DEPDC1B: variants seen among roughly 807,000 people sequenced by gnomAD.
The protein encoded by DEPDC1B is DEP domain containing 1B, also known as DEP domain-containing protein 1B.
DEPDC1B carries 51 observed loss-of-function variants against 66.5 expected under a neutral mutation model. The ratio of observed to expected loss-of-function variants is 0.77; its 90% confidence interval spans 0.61 to 0.97. The LOEUF is 0.97. Ranked by LOEUF, DEPDC1B falls within the 50% of genes least tolerant of loss-of-function variation. The probability of loss-of-function intolerance (pLI) is 0.00; values close to 1 mark genes in which losing one functional copy is unlikely to be tolerated. For synonymous variants in DEPDC1B, 226 were observed against 223.6 expected, an observed-to-expected ratio of 1.01 and a Z score of -0.10; for missense variants, 552 against 637.1, an observed-to-expected ratio of 0.87 and a Z score of 1.44.
intron 1 of DEPDC1B, among the ~76,000 whole-genome samples, chr5:60,692,232 G>C (rs1350107950): frequency 2.6e-5 from 4 of 152,130 alleles, no homozygotes; most frequent in African/African-American, 4.8e-5. Context: ...GCCTCAACTA[G>C]ACAGGAAATT....
At chr5:60,615,694 T>C (rs1266807124) in intron 7 of DEPDC1B, among the ~76,000 whole-genome samples, 8 of 152,188 alleles carry the variant, frequency 5.3e-5, no homozygotes, top group Non-Finnish European at 4.4e-5. Flanking sequence ...CCTGCCTGCC[T>C]CTGTAGACTC....
At chr5:60,681,640 C>G (rs936181812) in intron 2 of DEPDC1B, among the ~76,000 whole-genome samples, 24 of 152,056 alleles carry the variant, frequency 1.6e-4, no homozygotes, top group Non-Finnish European at 2.9e-4. Context: ...CAATCATTCC[C>G]CATTAACATC....
chr5:60,688,366 G>A (rs1016145437), intron 1 of DEPDC1B, among the ~76,000 whole-genome samples: 12 of 152,156 alleles, frequency 7.9e-5, no homozygotes, highest in Non-Finnish European at 1.3e-4. Flanking sequence ...GGTAGAGAGA[G>A]CTCAGGCTCT....
chr5:60,676,955 T>G (rs1669490282), intron 2 of DEPDC1B, among the ~76,000 whole-genome samples: 1 of 152,192 alleles, frequency 6.6e-6, no homozygotes, highest in African/African-American at 2.4e-5. Flanking sequence ...TCATAATGTA[T>G]TAAGACACTG....
chr5:60,614,551 C>A (rs1752494055), intron 7 of DEPDC1B, among the ~76,000 whole-genome samples: 2 of 152,010 alleles, frequency 1.3e-5, no homozygotes, highest in African/African-American at 2.4e-5. Context: ...TGCTTAATCT[C>A]TTCTCTTTTT....
intron 2 of DEPDC1B, among the ~76,000 whole-genome samples, chr5:60,683,547 G>C (rs1225448499): frequency 6.6e-6 from 1 of 152,006 alleles, no homozygotes; most frequent in African/African-American, 2.4e-5. Context: ...CAGAAAAAAA[G>C]CATTAGATAA....
chr5:60,608,210 T>C (rs1240967748), intron 7 of DEPDC1B, among the ~76,000 whole-genome samples: 1 of 152,140 alleles, frequency 6.6e-6, no homozygotes, highest in African/African-American at 2.4e-5. Context: ...AGTTTTTCTG[T>C]AAAGCCTTCT....
intron 2 of DEPDC1B, among the ~76,000 whole-genome samples, chr5:60,654,917 T>C (rs1435091474): frequency 6.7e-6 from 1 of 149,190 alleles, no homozygotes; most frequent in East Asian, 2.0e-4. Context: ...GTTTATGTGG[T>C]ATATCACATT....
intron 2 of DEPDC1B, among the ~76,000 whole-genome samples, chr5:60,674,952 A>C (rs1013870414): frequency 6.6e-6 from 1 of 152,184 alleles, no homozygotes; most frequent in African/African-American, 2.4e-5. Context: ...CTGGTCCTAA[A>C]GCCACTGCCA....
intron 5 of DEPDC1B, among the ~76,000 whole-genome samples, chr5:60,643,463 C>T (rs905995646): frequency 2.0e-5 from 3 of 152,204 alleles, no homozygotes; most frequent in Non-Finnish European, 4.4e-5. Context: ...CTTCCCTCCA[C>T]GCCCTGCCAC....
In DEPDC1B at chr5:60,682,307, T is replaced by C. The variant is rs374869934; in HGVS notation, c.314+4655A>G. 6.6e-5 allele frequency among the ~76,000 whole-genome samples: 10 copies of C among 152,216 alleles called. 1 individual carries two copies. The East Asian group carries it at 9.7e-4, about 15-fold the overall frequency. ...ACATGTTCTCACTCATAGGTGGGAA[T>C]TGAACAATGAGAACGCATGGACACA... On this transcript the variant is annotated intron_variant, in intron 2 of 10. Transcript: ENST00000265036.
At chr5:60,662,260 C>T (rs997983910) in intron 2 of DEPDC1B, among the ~76,000 whole-genome samples, 36 of 152,170 alleles carry the variant, frequency 2.4e-4, no homozygotes, top group Admixed American at 1.7e-3. Context: ...TGGTGGCAGG[C>T]GCCTATAGTC....
rs1389974106 is a variant in DEPDC1B, at chr5:60,686,982, T to C, written c.294A>G (p.Glu98=). 1 of 1,614,226 alleles carries C rather than the reference T, an allele frequency of 6.2e-7. No homozygotes were observed. The highest frequency in any genetic ancestry group is 8.5e-7 in the Non-Finnish European group (1 of 1,180,040). The stretch of plus-strand genomic sequence containing the variant: ...ATTACCTGTATAAGTGACGATTGTC[T>C]TCAAAATCTTCCTCACCCCATTTTC... The part of the protein sequence containing the change: ...IKGKWGEEDF[E]DNRHLYRFPP... The change falls in exon 2 of 11, where the codon GAA becomes GAG. Residue 98 remains glutamate (E), a synonymous_variant. Coordinates refer to ENST00000265036, the MANE Select transcript of DEPDC1B (RefSeq NM_018369.3).
At chr5:60,604,244 G>A (rs1473593280) in intron 8 of DEPDC1B, among the ~76,000 whole-genome samples, 19 of 33,658 alleles carry the variant, frequency 5.6e-4, no homozygotes, top group Non-Finnish European at 1.2e-3. Context: ...TTTTTTTTAC[G>A]GAGTCTCGCT....
rs1229279525 is a variant in DEPDC1B, at chr5:60,667,914, AAAAATGGATATTTTATATATATAT to A, written c.314+19024_314+19047del. ...AAAAAATGGATATTTTATATATATA[AAAAATGGATATTTTATATATATAT>A]AAAATGGATATTTTATATATATAAT... On this transcript the variant is annotated intron_variant, in intron 2 of 10. Coordinates refer to ENST00000265036, the MANE Select transcript of DEPDC1B (RefSeq NM_018369.3). Among the ~76,000 whole-genome samples, 80 of 88,920 alleles carry A rather than the reference AAAAATGGATATTTTATATATATAT, an allele frequency of 9.0e-4. 14 individuals carry two copies. The highest frequency in any genetic ancestry group is 5.2e-3 in the South Asian group (16 of 3,064). 58.3% of individuals were successfully genotyped at this position (88,920 alleles called of 152,430 possible).
intron 1 of DEPDC1B, chr5:60,687,774 C>A: frequency 5.0e-6 from 1 of 200,244 alleles, no homozygotes; most frequent in Non-Finnish European, 1.1e-5. Flanking sequence ...GATCCAGCCG[C>A]CTCAGCCTCC....
intron 7 of DEPDC1B, among the ~76,000 whole-genome samples, chr5:60,615,610 C>G (rs1380361667): frequency 6.6e-6 from 1 of 152,214 alleles, no homozygotes; most frequent in Non-Finnish European, 1.5e-5. Context: ...GGGGCGCCCA[C>G]CATTGCCCAG....
intron 7 of DEPDC1B, among the ~76,000 whole-genome samples, 168 bp downstream of exon 7, chr5:60,638,582 T>A (rs1278381810): frequency 6.6e-6 from 1 of 152,214 alleles, no homozygotes; most frequent in Admixed American, 6.5e-5. Context: ...CCACTTTCTT[T>A]TACTTCTTCA....
chr5:60,667,145 TAAAAG>T (rs1041984419), intron 2 of DEPDC1B, among the ~76,000 whole-genome samples: 1 of 152,090 alleles, frequency 6.6e-6, no homozygotes, highest in Non-Finnish European at 1.5e-5. Context: ...TATTCTAAGA[TAAAAG>T]AAAATATATC....
Sources: allele counts gnomAD v4.1 joint callset (sites outside exome capture counted in the v4.1 genomes callset), GRCh38; gene constraint gnomAD v4.1.1; transcripts MANE v1.5; gene names NCBI Gene and HGNC (gene_info 2026-07-23, HGNC 2026-07-21).